Variants in MAML2 observed in about 807,000 individuals in gnomAD.
MAML2 encodes mastermind like transcriptional coactivator 2.
MAML2 carries 22 observed loss-of-function variants against 96.1 expected under a neutral mutation model. The ratio of observed to expected loss-of-function variants is 0.23; its 90% confidence interval spans 0.16 to 0.33. The LOEUF (loss-of-function observed/expected upper bound fraction) is 0.33, where lower values mean the gene tolerates loss of function less well. Ranked by LOEUF, MAML2 falls within the 10% of genes least tolerant of loss-of-function variation. The pLI is 1.00. For missense variants in MAML2, 1,367 were observed against 1,392.4 expected, an observed-to-expected ratio of 0.98 and a Z score of 0.29; for synonymous variants, 561 against 521.3, an observed-to-expected ratio of 1.08 and a Z score of -1.04.
chr11:96,196,872 C>T (rs2135926501), intron 1 of MAML2, among the ~76,000 whole-genome samples: 1 of 146,666 alleles, frequency 6.8e-6, no homozygotes, highest in South Asian at 2.2e-4. Flanking sequence ...CCCCCAACCA[C>T]CCTCGGCTTT....
At chr11:96,329,363 G>T (rs1416897757) in intron 1 of MAML2, among the ~76,000 whole-genome samples, 2 of 152,012 alleles carry the variant, frequency 1.3e-5, no homozygotes, top group Non-Finnish European at 2.9e-5. Context: ...TCCCCCTTCC[G>T]CCATGGCTGG....
In MAML2 at chr11:96,341,494, G is replaced by A. The variant is rs998258087; in HGVS notation, c.402C>T (p.His134=). Residue 134 remains histidine (H), a synonymous_variant, in exon 1 of 5, where the codon CAC becomes CAT. Transcript: ENST00000524717. ...TGCTACTGTTCAGCAGGTGCTGCTG[G>A]TGGTGATGGTGATAGTCTGGTGGGG... The part of the protein sequence containing the change: ...PPPPPDYHHH[H]QQHLLNSSNN... 7 of 1,551,552 alleles carry A rather than the reference G, an allele frequency of 4.5e-6. No homozygotes were observed. Among genetic ancestry groups the A allele is most frequent in the Middle Eastern group, 1.7e-4 (1 of 5,990 alleles).
intron 1 of MAML2, among the ~76,000 whole-genome samples, chr11:96,107,219 A>G (rs1003527902): frequency 1.3e-5 from 2 of 152,034 alleles, no homozygotes; most frequent in Non-Finnish European, 2.9e-5. Flanking sequence ...CTTTTGAGGC[A>G]ATATATTGTA....
chr11:96,314,733 AAT>A (rs1863604659), intron 1 of MAML2, among the ~76,000 whole-genome samples: 1 of 152,352 alleles, frequency 6.6e-6, no homozygotes, highest in South Asian at 2.1e-4. Context: ...TCTAGAAGAT[AAT>A]ATAGACTCAT....
intron 1 of MAML2, among the ~76,000 whole-genome samples, chr11:96,112,887 C>A (rs963349670): frequency 1.3e-5 from 2 of 152,132 alleles, no homozygotes; most frequent in African/African-American, 4.8e-5. Context: ...GTGTGAGGGC[C>A]ACTTGGTCAA....
Position 96,240,557 on chromosome 11 carries a change from C to CAACAAAAAAAAAAA in MAML2, c.513+100825_513+100826insTTTTTTTTTTTGTT, listed in dbSNP as rs568304250. Among the ~76,000 whole-genome samples the CAACAAAAAAAAAAA allele has an allele frequency of 1.5e-3, 75 of 51,090 alleles. 6 individuals carry two copies. The highest frequency in any genetic ancestry group is 3.3e-3 in the East Asian group (5 of 1,504). 33.5% of individuals were successfully genotyped at this position (51,090 alleles called of 152,430 possible). ...TGGGCGACAGAGCGAGACTCCGTCT[C>CAACAAAAAAAAAAA]AAAAAAAAAAAAAAAAAAAAAAAAA... On this transcript the variant is annotated intron_variant, in intron 1 of 4. Coordinates refer to ENST00000524717, the MANE Select transcript of MAML2 (RefSeq NM_032427.4).
At chr11:96,319,997 T>C (rs1346752844) in intron 1 of MAML2, among the ~76,000 whole-genome samples, 3 of 152,254 alleles carry the variant, frequency 2.0e-5, no homozygotes, top group Non-Finnish European at 4.4e-5. Context: ...CAAAAAATCA[T>C]GCAGAGAACA....
At chr11:96,237,387 A>T (rs117487533) in intron 1 of MAML2, among the ~76,000 whole-genome samples, 4,886 of 152,258 alleles carry the variant, frequency 0.032, 104 homozygotes, top group Non-Finnish European at 0.044. Flanking sequence ...CTCCTTTGAG[A>T]CTTACTGCCT....
At chr11:96,205,041 G>T (rs1283357269) in intron 1 of MAML2, among the ~76,000 whole-genome samples, 2 of 152,172 alleles carry the variant, frequency 1.3e-5, no homozygotes, top group African/African-American at 4.8e-5. Context: ...ACTTTACTTT[G>T]TGGTAGCCTG....
intron 1 of MAML2, among the ~76,000 whole-genome samples, chr11:96,098,118 AG>A (rs1859862865): frequency 6.6e-6 from 1 of 152,168 alleles, no homozygotes; most frequent in Admixed American, 6.5e-5. Flanking sequence ...GCAGAGGTAA[AG>A]GCATTCGGGA....
chr11:96,178,153 A>T (rs541268861), intron 1 of MAML2, among the ~76,000 whole-genome samples: 53 of 152,086 alleles, frequency 3.5e-4, no homozygotes, highest in East Asian at 5.8e-4. Context: ...AACTGTGGGA[A>T]AACACATTAA....
At chr11:96,088,416 G>A (rs931941435) in intron 2 of MAML2, among the ~76,000 whole-genome samples, 1 of 152,172 alleles carries the variant, frequency 6.6e-6, no homozygotes. Flanking sequence ...CAAGAGGTAA[G>A]CACTTTTGGC....
chr11:96,192,398 GGAA>G (rs1861666255), intron 1 of MAML2, among the ~76,000 whole-genome samples: 2 of 152,214 alleles, frequency 1.3e-5, no homozygotes, highest in Admixed American at 1.3e-4. Context: ...TTGTGTCCCA[GGAA>G]GAAGGAGCCC....
chr11:95,988,051 A>G (rs1265579051), intron 3 of MAML2, among the ~76,000 whole-genome samples: 5 of 151,916 alleles, frequency 3.3e-5, no homozygotes, highest in Admixed American at 6.6e-5. Context: ...ACTCTTTTCC[A>G]AAAGCATCTG....
At chr11:96,033,231 G>A (rs999300881) in intron 2 of MAML2, among the ~76,000 whole-genome samples, 3 of 152,032 alleles carry the variant, frequency 2.0e-5, no homozygotes, top group African/African-American at 4.8e-5. Context: ...ACCTTATCTT[G>A]TATCCAAGTG....
Position 96,341,835 on chromosome 11 carries a change from C to A in MAML2, c.61G>T (p.Gly21Trp). The A allele has an allele frequency of 1.9e-6, 3 of 1,577,356 alleles. No homozygotes were observed. The highest frequency in any genetic ancestry group is 2.6e-6 in the Non-Finnish European group (3 of 1,165,674). ...GTGACTGAGCCCCCTCCAAGGAGCCCCGCCCCAGAGGCCCCCCCTAGCCCT... is the reference window on the plus strand; with the variant it reads ...GTGACTGAGCCCCCTCCAAGGAGCCACGCCCCAGAGGCCCCCCCTAGCCCT... Reference protein sequence around the residue: ...AGGLGGASGAGLLGGGSVTPR... With the variant: ...AGGLGGASGAWLLGGGSVTPR... Residue 21 changes from glycine to tryptophan, a missense_variant, in exon 1 of 5, where the codon GGG (glycine) becomes TGG (tryptophan). By Grantham distance (184) the Gly-to-Trp change is radical. Transcript: ENST00000524717.
chr11:96,020,797 G>A (rs1049084351), intron 2 of MAML2, among the ~76,000 whole-genome samples: 2 of 152,168 alleles, frequency 1.3e-5, no homozygotes, highest in Admixed American at 1.3e-4. Context: ...CAGAGTGTAA[G>A]GAAGAAAATT....
intron 1 of MAML2, among the ~76,000 whole-genome samples, chr11:96,304,661 G>A (rs200656961): frequency 1.3e-5 from 2 of 151,930 alleles, no homozygotes; most frequent in East Asian, 1.9e-4. Flanking sequence ...TAATTTCCTC[G>A]GTAACTTTTT....
intron 1 of MAML2, among the ~76,000 whole-genome samples, chr11:96,311,222 A>G (rs1214852055): frequency 6.6e-6 from 1 of 152,202 alleles, no homozygotes; most frequent in Non-Finnish European, 1.5e-5. Flanking sequence ...GGAGTTTGAG[A>G]AGTCATGTGA....
Sources: allele counts gnomAD v4.1 joint callset (sites outside exome capture counted in the v4.1 genomes callset), GRCh38; gene constraint gnomAD v4.1.1; transcripts MANE v1.5; gene names NCBI Gene and HGNC (gene_info 2026-07-23, HGNC 2026-07-21).